The following TXNL4A variants were observed in gnomAD, a reference collection of about 807,000 sequenced individuals.
The protein encoded by TXNL4A is thioredoxin-like protein 4A.
TXNL4A carries 17 observed loss-of-function variants against 14.6 expected under a neutral mutation model. That is an observed-to-expected ratio of 1.16 (90% CI 0.80 to 1.74). The LOEUF (loss-of-function observed/expected upper bound fraction) is 1.74. TXNL4A is among the 40% of genes most tolerant of loss of function. The pLI, the probability that TXNL4A is intolerant of heterozygous loss-of-function variation, is 0.00. For synonymous variants in TXNL4A, 83 were observed against 70.6 expected, an observed-to-expected ratio of 1.18 and a Z score of -0.88; for missense variants, 74 against 195.2, an observed-to-expected ratio of 0.38 and a Z score of 3.70.
At chr18:80,007,713 T>C (rs1327216471) in intron 1 of TXNL4A, among the ~76,000 whole-genome samples, 1 of 152,290 alleles carries the variant, frequency 6.6e-6, no homozygotes, top group East Asian at 1.9e-4. Context: ...GGCCTCTCTC[T>C]TCCCTCACCC....
chr18:79,988,396 G>C lies in TXNL4A; in HGVS notation c.-4C>G. ...GGTGCGGGAGCATGTACGACATGGC[G>C]GCCCGCGCGCTCGCCGCCGCCCAAG... is the stretch of plus-strand genomic sequence containing the variant. On this transcript the variant is annotated 5_prime_UTR_variant, in exon 1 of 3. Transcript: ENST00000269601. The C allele has an allele frequency of 6.9e-7, 1 of 1,451,044 alleles. No individual in the cohort carries two copies. The highest frequency in any genetic ancestry group is 9.2e-7 in the Non-Finnish European group (1 of 1,082,970). The allele number at this position is 1,451,044 out of a possible 1,614,324, so 89.9% of individuals were successfully genotyped here.
chr18:79,985,118 G>A (rs1033224739), intron 1 of TXNL4A, among the ~76,000 whole-genome samples: 7 of 152,066 alleles, frequency 4.6e-5, no homozygotes, highest in African/African-American at 1.7e-4. Context: ...TGTCTCCTGT[G>A]ATGGTGTTCC....
rs914254694 is a variant in TXNL4A, at chr18:79,982,043, T to C, written c.154-4342A>G. Among the ~76,000 whole-genome samples, 1 of 152,198 alleles carries C rather than the reference T, an allele frequency of 6.6e-6. No homozygotes were observed. The highest frequency in any genetic ancestry group is 1.9e-4 in the East Asian group (1 of 5,190). The stretch of plus-strand genomic sequence containing the variant: ...AGGGGCAGAGCTGAGATGCACTCTG[T>C]CTGGCTCCAAAGCCTGAACTCTGGA... On this transcript the variant is annotated intron_variant, in intron 1 of 2. Coordinates refer to ENST00000269601, the MANE Select transcript of TXNL4A (RefSeq NM_006701.5). This position sits in a 1 kb window ranked among gnomAD's most constrained non-coding sequence, Gnocchi z 4.0.
chr18:79,985,859 T>C lies in TXNL4A; in HGVS notation c.153+2381A>G, dbSNP rs950531075. ...AAGGTAAGGAAGAGTCCCCATTATC[T>C]GCCATTTCTGCACAGGGAAATTTTT... On this transcript the variant is annotated intron_variant, in intron 1 of 2. Transcript: ENST00000269601. 7.2e-5 allele frequency: 11 copies of C among 152,372 alleles called. No homozygotes were observed. In the East Asian group the frequency reaches 1.9e-3, roughly 27 times the overall value. The allele number at this position is 152,372 out of a possible 1,614,324, so 9.4% of individuals were successfully genotyped here.
Position 79,988,463 on chromosome 18 carries a change from C to T in TXNL4A, c.-71G>A. Reference sequence around the variant, plus strand: ...GGCCCAGCGAGGTGGGCTCAGCCGGCCCCTCACTCCCCGGCCCCCGCCGCC... The same window carrying T: ...GGCCCAGCGAGGTGGGCTCAGCCGGTCCCTCACTCCCCGGCCCCCGCCGCC... On this transcript the variant is annotated 5_prime_UTR_variant, in exon 1 of 3. Transcript: ENST00000269601. 7.9e-7 allele frequency: 1 copy of T among 1,265,750 alleles called. No homozygotes were observed. Among genetic ancestry groups the T allele is most frequent in the Non-Finnish European group, 1.0e-6 (1 of 1,000,990 alleles). The allele number at this position is 1,265,750 out of a possible 1,614,324, so 78.4% of individuals were successfully genotyped here.
chr18:79,994,444 G>C (rs934428791), intron 1 of TXNL4A, among the ~76,000 whole-genome samples: 29 of 151,794 alleles, frequency 1.9e-4, no homozygotes, highest in African/African-American at 6.8e-4. Context: ...ATCCTCCCAG[G>C]GGAAAGATCA....
At chr18:79,984,336 G>T (rs1446451532) in intron 1 of TXNL4A, among the ~76,000 whole-genome samples, 1 of 152,154 alleles carries the variant, frequency 6.6e-6, no homozygotes, top group African/African-American at 2.4e-5. Flanking sequence ...GCTCACACTT[G>T]TAATCCCAGA....
intron 2 of TXNL4A, 102 bp from the exon 3 acceptor site, chr18:79,973,958 A>G: frequency 6.7e-7 from 1 of 1,497,844 alleles, no homozygotes; most frequent in Non-Finnish European, 9.0e-7. Flanking sequence ...AGCTCTTGTT[A>G]ACATCACTGA....
At chr18:80,009,836 G>A (rs11664787) in intron 1 of TXNL4A, among the ~76,000 whole-genome samples, 43,151 of 151,892 alleles carry the variant, frequency 0.28, 6,544 homozygotes, top group Non-Finnish European at 0.35. Flanking sequence ...GGCTGCGTGC[G>A]CAGTGTTTAC....
intron 1 of TXNL4A, among the ~76,000 whole-genome samples, chr18:80,019,784 A>G (rs1416272356): frequency 1.3e-5 from 2 of 152,240 alleles, no homozygotes; most frequent in Non-Finnish European, 2.9e-5. Flanking sequence ...AAAGCAGAAG[A>G]AGGCATTTGC....
intron 1 of TXNL4A, among the ~76,000 whole-genome samples, chr18:80,006,156 C>T (rs1466840814): frequency 4.0e-5 from 6 of 151,858 alleles, no homozygotes; most frequent in African/African-American, 1.2e-4. Flanking sequence ...GAGGCTAAGG[C>T]GGGCGGATCA....
At chr18:80,008,250 T>C (rs1443186460) in intron 1 of TXNL4A, among the ~76,000 whole-genome samples, 2 of 152,236 alleles carry the variant, frequency 1.3e-5, no homozygotes, top group Non-Finnish European at 2.9e-5. Context: ...ATGTAAATGT[T>C]AGTAGCTCTC....
chr18:79,990,299 A>G (rs1473503082), upstream of TXNL4A, among the ~76,000 whole-genome samples: 1 of 152,226 alleles, frequency 6.6e-6, no homozygotes, highest in African/African-American at 2.4e-5. Context: ...ATTAGAGATC[A>G]TCTAAATCTC....
intron 1 of TXNL4A, among the ~76,000 whole-genome samples, chr18:80,009,475 G>A (rs1282818673): frequency 2.0e-5 from 3 of 152,184 alleles, no homozygotes; most frequent in Non-Finnish European, 4.4e-5. Context: ...AGTTTGTCAG[G>A]ACGGGACACC....
intron 1 of TXNL4A, among the ~76,000 whole-genome samples, chr18:79,981,949 C>T (rs1306004594): frequency 1.6e-5 from 2 of 127,260 alleles, no homozygotes; most frequent in African/African-American, 2.5e-5. Context: ...AAATAGATGT[C>T]GCCGATGTTT....
intron 1 of TXNL4A, among the ~76,000 whole-genome samples, chr18:80,028,130 A>C (rs969641486): frequency 2.0e-5 from 3 of 150,922 alleles, no homozygotes; most frequent in African/African-American, 7.3e-5. Flanking sequence ...AACTGGAGGT[A>C]CTGCATCCAG....
At chr18:80,013,108 AAG>A (rs1210511799) in intron 1 of TXNL4A, among the ~76,000 whole-genome samples, 4 of 140,502 alleles carry the variant, frequency 2.8e-5, no homozygotes, top group African/African-American at 1.0e-4. Context: ...AAAATTAAAA[AAG>A]GAAAAAAAAA....
At chr18:80,007,441 G>C (rs2051739014) in intron 1 of TXNL4A, among the ~76,000 whole-genome samples, 1 of 152,214 alleles carries the variant, frequency 6.6e-6, no homozygotes, top group South Asian at 2.1e-4. Flanking sequence ...AGAGCAGGGA[G>C]TTTCACAATG....
Position 79,971,123 on chromosome 18 carries a change from A to G in TXNL4A, c.*2562T>C, listed in dbSNP as rs1177985435. Reference sequence around the variant, plus strand: ...TAAATGGAATCACACAATATGTAGTAACTGGCTTTTCACTTACAGTACTTC... The same window carrying G: ...TAAATGGAATCACACAATATGTAGTGACTGGCTTTTCACTTACAGTACTTC... On this transcript the variant is annotated 3_prime_UTR_variant, in exon 3 of 3. Coordinates refer to ENST00000269601, the MANE Select transcript of TXNL4A (RefSeq NM_006701.5). 1.3e-5 allele frequency: 2 copies of G among 152,644 alleles called. No homozygotes were observed. Among genetic ancestry groups the G allele is most frequent in the Non-Finnish European group, 2.9e-5 (2 of 68,344 alleles). 9.5% of individuals were successfully genotyped at this position (152,644 alleles called of 1,614,324 possible).
Sources: gnomAD v4.1 joint callset for allele counts (sites outside exome capture counted in the v4.1 genomes callset) on GRCh38, gnomAD v4.1.1 for gene constraint, Gnocchi (gnomAD v3.1) non-coding constraint, MANE v1.5 for transcripts, NCBI Gene and HGNC (gene_info 2026-07-23, HGNC 2026-07-21) for gene names.